Variants in WDPCP observed in about 807,000 individuals in gnomAD.
The protein encoded by WDPCP is WD repeat containing planar cell polarity effector, also known as WD repeat-containing and planar cell polarity effector protein fritz homolog.
WDPCP carries 71 observed loss-of-function variants against 93.1 expected under a neutral mutation model. That is an observed-to-expected ratio of 0.76 (90% confidence interval 0.63 to 0.93). WDPCP has a LOEUF of 0.93. Among genes scored for constraint, WDPCP ranks in the 40% least tolerant of loss-of-function variants. The pLI is 0.00. For missense variants in WDPCP, 844 were observed against 887.4 expected (o/e 0.95, Z 0.62); for synonymous variants, 315 against 315.0 (o/e 1.00, Z 0.00).
At position 63,575,459 on chromosome 2, in the gene WDPCP, GTA is replaced by G. The variant is rs1271353111; in HGVS notation, c.75+12736_75+12737del. Among the ~76,000 whole-genome samples, 50 of 35,106 alleles carry G rather than the reference GTA, an allele frequency of 1.4e-3. 3 individuals are homozygous for G. The highest frequency in any genetic ancestry group is 0.011 in the African/African-American group (46 of 4,104). The allele number at this position is 35,106 out of a possible 152,430, so 23.0% of individuals were successfully genotyped here. On this transcript the variant is annotated intron_variant, in intron 1 of 17. Coordinates refer to ENST00000272321, the MANE Select transcript of WDPCP (RefSeq NM_015910.7). ...ATACAGTGTATACACTGTATATACA[GTA>G]TATATGCAGTATATACAGTGTATAT... is the stretch of plus-strand genomic sequence containing the variant.
At chr2:63,512,274 C>T (rs1015535473) in intron 1 of WDPCP, among the ~76,000 whole-genome samples, 18 of 152,172 alleles carry the variant, frequency 1.2e-4, no homozygotes, top group Non-Finnish European at 2.5e-4. Flanking sequence ...GAAACAGGAA[C>T]GCTTTTACAC....
intron 11 of WDPCP, 83 bp downstream of exon 11, chr2:63,381,823 A>C: frequency 6.8e-7 from 1 of 1,474,002 alleles, no homozygotes; most frequent in Admixed American, 1.8e-5. Flanking sequence ...ACCATGACTC[A>C]AAAACAACCT....
At chr2:63,275,675 CA>C (rs1163054614) in intron 13 of WDPCP, among the ~76,000 whole-genome samples, 1 of 151,826 alleles carries the variant, frequency 6.6e-6, no homozygotes, top group Non-Finnish European at 1.5e-5. Flanking sequence ...AATGTTTAAC[CA>C]AGAAGGTGAA....
chr2:63,773,241 G>A (rs928000798), intron 2 of WDPCP, among the ~76,000 whole-genome samples: 4 of 151,926 alleles, frequency 2.6e-5, no homozygotes, highest in Non-Finnish European at 4.4e-5. Context: ...TCATGTAATG[G>A]TATACTATAT....
chr2:63,124,967 T>C (rs1669796941), intron 17 of WDPCP, among the ~76,000 whole-genome samples: 1 of 152,192 alleles, frequency 6.6e-6, no homozygotes, highest in Non-Finnish European at 1.5e-5. Flanking sequence ...TCCTCTCATT[T>C]AAGGCTTTTG....
intron 12 of WDPCP, among the ~76,000 whole-genome samples, chr2:63,318,450 T>C (rs1212283546): frequency 1.3e-5 from 2 of 152,150 alleles, no homozygotes; most frequent in Non-Finnish European, 2.9e-5. Context: ...TGTTCTAACA[T>C]AAAGATATGT....
intron 9 of WDPCP, among the ~76,000 whole-genome samples, chr2:63,418,720 G>T (rs949758215): frequency 1.3e-5 from 2 of 152,050 alleles, no homozygotes; most frequent in African/African-American, 4.8e-5. Context: ...AGTAAGAAGG[G>T]GAAAAACAGT....
chr2:63,128,164 G>T (rs937685883), intron 17 of WDPCP, among the ~76,000 whole-genome samples: 1 of 151,898 alleles, frequency 6.6e-6, no homozygotes, highest in Non-Finnish European at 1.5e-5. Flanking sequence ...ATAAATATAA[G>T]ATTTCTTTCA....
In WDPCP at chr2:63,486,574, C is replaced by T. The variant is rs368745542; in HGVS notation, c.221G>A (p.Gly74Asp). The stretch of plus-strand genomic sequence containing the variant: ...CAGCTTCTGCTTCTTTTCTAAGTTA[C>T]CATGCTCTGTCGCTGATATTGTGGC... ...DKKDPPATEH[G>D]NLEKKQKLAE... is the part of the protein sequence containing the mutation. The change falls in exon 4 of 18, where the codon GGT (glycine) becomes GAT (aspartate). Residue 74 changes from glycine to aspartate, a missense_variant. By Grantham distance (94) the Gly-to-Asp change is moderately conservative. Coordinates refer to ENST00000272321, the MANE Select transcript of WDPCP (RefSeq NM_015910.7). 15 of 1,576,134 alleles carry T rather than the reference C, an allele frequency of 9.5e-6. No individual in the cohort carries two copies. In the African/African-American group the frequency reaches 1.2e-4, roughly 13 times the overall value.
intron 17 of WDPCP, among the ~76,000 whole-genome samples, chr2:63,135,925 G>A (rs1354275830): frequency 6.6e-6 from 1 of 151,886 alleles, no homozygotes; most frequent in African/African-American, 2.4e-5. Context: ...TTAGAGATGG[G>A]GTCCTGCTAT....
intron 1 of WDPCP, among the ~76,000 whole-genome samples, chr2:63,583,651 A>G (rs914855721): frequency 1.3e-5 from 2 of 151,396 alleles, no homozygotes; most frequent in Admixed American, 1.3e-4. Flanking sequence ...ACTGCACTCC[A>G]GCCTGGCGAC....
At chr2:63,284,926 C>T (rs1348502852) in intron 13 of WDPCP, among the ~76,000 whole-genome samples, 5 of 151,716 alleles carry the variant, frequency 3.3e-5, no homozygotes, top group African/African-American at 4.8e-5. Flanking sequence ...GACATAGACA[C>T]ACAAAAAAAT....
At chr2:63,245,287 C>A (rs553211080) in intron 14 of WDPCP, among the ~76,000 whole-genome samples, 1 of 152,038 alleles carries the variant, frequency 6.6e-6, no homozygotes, top group Non-Finnish European at 1.5e-5. Flanking sequence ...CTCACTGTGT[C>A]GTTTTGTGTA....
chr2:63,723,292 A>T (rs1241295632), intron 2 of WDPCP, among the ~76,000 whole-genome samples: 6 of 150,866 alleles, frequency 4.0e-5, no homozygotes, highest in African/African-American at 1.2e-4. Context: ...AAAAAATTAA[A>T]AAAAAAAAAA....
intron 2 of WDPCP, among the ~76,000 whole-genome samples, chr2:63,781,320 G>A (rs1670388219): frequency 6.6e-6 from 1 of 152,142 alleles, no homozygotes; most frequent in Non-Finnish European, 1.5e-5. Context: ...TGTCCATATA[G>A]CATATGTCAC....
At chr2:63,355,909 A>C (rs887033931) in intron 12 of WDPCP, among the ~76,000 whole-genome samples, 3 of 151,994 alleles carry the variant, frequency 2.0e-5, no homozygotes, top group Non-Finnish European at 4.4e-5. Flanking sequence ...AAACAAAAAA[A>C]CCCCACATAT....
chr2:63,721,459 G>C (rs1669411346), intron 2 of WDPCP, among the ~76,000 whole-genome samples: 1 of 152,142 alleles, frequency 6.6e-6, no homozygotes, highest in Non-Finnish European at 1.5e-5. Context: ...TTGGACAACT[G>C]TAATAGCCTC....
intron 12 of WDPCP, among the ~76,000 whole-genome samples, chr2:63,313,855 T>TAC (rs1686378504): frequency 8.1e-5 from 3 of 37,074 alleles, no homozygotes; most frequent in Admixed American, 3.2e-4. Flanking sequence ...TATTCATACA[T>TAC]ATATATATAT....
At position 63,148,386 on chromosome 2, in the gene WDPCP, C is replaced by T. The variant is rs563448384; in HGVS notation, c.2190+4528G>A. Among the ~76,000 whole-genome samples the T allele has an allele frequency of 3.3e-5, 5 of 152,270 alleles. No individual in the cohort carries two copies. In the East Asian group the frequency reaches 9.7e-4, roughly 29 times the overall value. Reference sequence around the variant, plus strand: ...ACAGAGTCTCATTCTGTCGCCCAGGCTGGAGTGCGGTGGCATGACCTTTCC... The same window carrying T: ...ACAGAGTCTCATTCTGTCGCCCAGGTTGGAGTGCGGTGGCATGACCTTTCC... On this transcript the variant is annotated intron_variant, in intron 17 of 17. Transcript: ENST00000272321.
Sources: allele counts gnomAD v4.1 joint callset (sites outside exome capture counted in the v4.1 genomes callset), GRCh38; gene constraint gnomAD v4.1.1; transcripts MANE v1.5; gene names NCBI Gene and HGNC (gene_info 2026-07-23, HGNC 2026-07-21).